PTPRT: variants seen among roughly 807,000 people sequenced by gnomAD.
The protein encoded by PTPRT is protein tyrosine phosphatase receptor type T.
Under a neutral mutation model 176.8 loss-of-function variants are expected in PTPRT, and 56 were observed. The ratio of observed to expected loss-of-function variants is 0.32; its 90% CI spans 0.26 to 0.40. The LOEUF is 0.40. Ranked by LOEUF, PTPRT falls within the 10% of genes least tolerant of loss-of-function variation. The pLI is 1.00. For missense variants in PTPRT, 1,540 were observed against 1,908.2 expected, an observed-to-expected ratio of 0.81 and a Z score of 3.60; for synonymous variants, 783 against 739.0, an observed-to-expected ratio of 1.06 and a Z score of -0.96.
At chr20:43,019,858 G>C (rs1441739702) in intron 1 of PTPRT, among the ~76,000 whole-genome samples, 2 of 151,876 alleles carry the variant, frequency 1.3e-5, no homozygotes, top group African/African-American at 4.8e-5. Flanking sequence ...AGAATTTCAG[G>C]TTCTCTAGCC....
chr20:42,604,728 G>A (rs2073842751), intron 7 of PTPRT, among the ~76,000 whole-genome samples: 1 of 152,164 alleles, frequency 6.6e-6, no homozygotes, highest in Non-Finnish European at 1.5e-5. Flanking sequence ...TTAGAGTTGG[G>A]GGAACTGAGG....
intron 1 of PTPRT, among the ~76,000 whole-genome samples, chr20:42,907,471 T>A (rs542837334): frequency 9.6e-4 from 146 of 152,138 alleles, no homozygotes; most frequent in African/African-American, 3.3e-3. Context: ...TGAAGTTTTT[T>A]TTTAATGTTT....
At chr20:43,078,070 GTTAC>G (rs1879734990) in intron 1 of PTPRT, among the ~76,000 whole-genome samples, 1 of 152,152 alleles carries the variant, frequency 6.6e-6, no homozygotes, top group Admixed American at 6.5e-5. Context: ...TGCTTTTGTA[GTTAC>G]TTAATGTATC....
intron 1 of PTPRT, among the ~76,000 whole-genome samples, chr20:43,136,631 A>AAC (rs140854573): frequency 7.9e-5 from 12 of 151,650 alleles, no homozygotes; most frequent in Non-Finnish European, 1.3e-4. Context: ...GTACATGTGC[A>AAC]ACACACACAC....
rs1052417723 is a variant in PTPRT at position 42,316,911 on chromosome 20, A to C, written c.1866-915T>G. ...TCTTTAGTTCCCCTAGAGCTCATCT[A>C]ATCTCCATCTGCTTTGTTTTCCAAT... On this transcript the variant is annotated intron_variant, in intron 11 of 30. Transcript: ENST00000373187. Among the ~76,000 whole-genome samples, 7 of 152,162 alleles carry C rather than the reference A, an allele frequency of 4.6e-5. No homozygotes were observed. In the South Asian group the frequency reaches 1.5e-3, roughly 32 times the overall value.
At chr20:42,627,029 G>A (rs1032876131) in intron 7 of PTPRT, among the ~76,000 whole-genome samples, 2 of 152,118 alleles carry the variant, frequency 1.3e-5, no homozygotes, top group Non-Finnish European at 2.9e-5. Context: ...ATCAATTTCT[G>A]TATCTTTTAC....
intron 7 of PTPRT, among the ~76,000 whole-genome samples, chr20:42,526,718 C>G (rs571434887): frequency 6.6e-6 from 1 of 151,960 alleles, no homozygotes; most frequent in African/African-American, 2.4e-5. Context: ...ACTGTTATTA[C>G]CAATCTCTGA....
At chr20:42,536,677 CAT>C (rs1278847573) in intron 7 of PTPRT, among the ~76,000 whole-genome samples, 1 of 152,216 alleles carries the variant, frequency 6.6e-6, no homozygotes, top group Non-Finnish European at 1.5e-5. Flanking sequence ...TATCAGAACA[CAT>C]GAGAAGATGT....
At chr20:42,495,959 G>A (rs909508064) in intron 7 of PTPRT, among the ~76,000 whole-genome samples, 9 of 152,090 alleles carry the variant, frequency 5.9e-5, no homozygotes, top group Admixed American at 2.6e-4. Flanking sequence ...ACTCTTGACC[G>A]AAAGCCTTAC....
Position 42,833,176 on chromosome 20 carries a change from A to G in PTPRT, c.215-41710T>C, listed in dbSNP as rs951787039. Among the ~76,000 whole-genome samples, 124 of 152,228 alleles carry G rather than the reference A, an allele frequency of 8.1e-4. 1 individual carries two copies. The highest frequency in any genetic ancestry group is 2.7e-3 in the African/African-American group (113 of 41,554). Reference sequence around the variant, plus strand: ...AATAATTTCTAGAACTGATGATAACAAAGTTGTAAATTGAAATAGTAACCA... The same window carrying G: ...AATAATTTCTAGAACTGATGATAACGAAGTTGTAAATTGAAATAGTAACCA... On this transcript the variant is annotated intron_variant, in intron 2 of 30. Transcript: ENST00000373187.
intron 1 of PTPRT, among the ~76,000 whole-genome samples, chr20:43,070,984 A>AG (rs2011173056): frequency 6.6e-6 from 1 of 151,764 alleles, no homozygotes. Flanking sequence ...AAAAAAAAAA[A>AG]AAAGAACTGC....
At chr20:42,106,945 T>C in intron 23 of PTPRT, 24 bp from the exon 24 acceptor site, 1 of 1,608,582 alleles carries the variant, frequency 6.2e-7, no homozygotes, top group South Asian at 1.1e-5. Flanking sequence ...ATGGTCTGTG[T>C]TAAGGATCTT....
chr20:43,136,278 C>T (rs986025675), intron 1 of PTPRT, among the ~76,000 whole-genome samples: 2 of 152,152 alleles, frequency 1.3e-5, no homozygotes, highest in African/African-American at 2.4e-5. Context: ...AATTCATCTC[C>T]GCCTTCACTA....
chr20:42,777,852 T>C (rs889253108), intron 4 of PTPRT, among the ~76,000 whole-genome samples: 2 of 152,186 alleles, frequency 1.3e-5, no homozygotes, highest in African/African-American at 4.8e-5. Context: ...TATTTGTCCA[T>C]ATAGTTAAGT....
rs1982542000 is a variant in PTPRT at position 42,074,051 on chromosome 20, TCATC to T, written c.*6824_*6827del. 1 of 230,098 alleles carries T rather than the reference TCATC, an allele frequency of 4.3e-6. No individual in the cohort carries two copies. The highest frequency in any genetic ancestry group is 5.7e-5 in the Admixed American group (1 of 17,662). The allele number at this position is 230,098 out of a possible 1,614,324, so 14.3% of individuals were successfully genotyped here. ...TGGGTCTAGCAAACTGTGCTTGACTTCATCCAAGAATCTGCAGAGCTATGGAAGA... is the reference window on the plus strand; with the variant it reads ...TGGGTCTAGCAAACTGTGCTTGACTTCAAGAATCTGCAGAGCTATGGAAGA... On this transcript the variant is annotated 3_prime_UTR_variant, in exon 31 of 31. Coordinates refer to ENST00000373187, the MANE Select transcript of PTPRT (RefSeq NM_007050.6).
At chr20:42,650,261 C>T (rs1324971853) in intron 7 of PTPRT, among the ~76,000 whole-genome samples, 1 of 152,154 alleles carries the variant, frequency 6.6e-6, no homozygotes, top group Non-Finnish European at 1.5e-5. Flanking sequence ...TCCCAACCAA[C>T]CTCCAATACC....
chr20:42,584,522 T>C (rs1013756523), intron 7 of PTPRT, among the ~76,000 whole-genome samples: 3 of 152,156 alleles, frequency 2.0e-5, no homozygotes, highest in African/African-American at 4.8e-5. Flanking sequence ...TCTTCTCTGA[T>C]ATCTTACCTA....
At chr20:42,937,313 C>T (rs1028561377) in intron 1 of PTPRT, among the ~76,000 whole-genome samples, 4 of 152,182 alleles carry the variant, frequency 2.6e-5, no homozygotes, top group African/African-American at 7.2e-5. Flanking sequence ...CTGTGGCTCT[C>T]AAGCTCCTTG....
intron 1 of PTPRT, among the ~76,000 whole-genome samples, chr20:43,061,078 G>A (rs565419806): frequency 9.3e-5 from 13 of 139,220 alleles, no homozygotes; most frequent in African/African-American, 1.8e-4. Flanking sequence ...GTGGATGGGC[G>A]GATAAATGAA....
Sources: allele counts gnomAD v4.1 joint callset (sites outside exome capture counted in the v4.1 genomes callset), GRCh38; gene constraint gnomAD v4.1.1; transcripts MANE v1.5; gene names NCBI Gene and HGNC (gene_info 2026-07-23, HGNC 2026-07-21).